Variants in MDN1 observed in about 807,000 individuals in gnomAD.
MDN1 encodes the protein midasin AAA ATPase 1.
A neutral mutation model predicts 669.2 loss-of-function variants in MDN1; 266 were observed. The ratio of observed to expected loss-of-function variants is 0.40; its 90% CI spans 0.36 to 0.44. MDN1 has a LOEUF of 0.44. Among genes scored for constraint, MDN1 ranks in the 20% least tolerant of loss-of-function variants. The pLI is 1.00. For missense variants in MDN1, 5,940 were observed against 6,754.0 expected (o/e 0.88, Z 4.22); for synonymous variants, 2,385 against 2,457.1 (o/e 0.97, Z 0.87).
Position 89,814,875 on chromosome 6 carries a change from C to T in MDN1, c.102+4631G>A, listed in dbSNP as rs1012481404. The T allele has an allele frequency of 8.9e-5, 44 of 496,542 alleles. 2 individuals are homozygous for T. In the Admixed American group the frequency reaches 9.9e-4, roughly 11 times the overall value. 30.8% of individuals were successfully genotyped at this position (496,542 alleles called of 1,614,324 possible). ...GTCAACCTCAACCTCCGGACAGGTACCTCCTAGAAACCCCTAGAAACCAGG... is the reference window on the plus strand; with the variant it reads ...GTCAACCTCAACCTCCGGACAGGTATCTCCTAGAAACCCCTAGAAACCAGG... On this transcript the variant is annotated intron_variant, in intron 1 of 101. Coordinates refer to ENST00000369393, the MANE Select transcript of MDN1 (RefSeq NM_014611.3).
In MDN1 at chr6:89,751,574, T is replaced by C. The variant is rs779869677; in HGVS notation, c.3084A>G (p.Pro1028=). 2 of 1,613,736 alleles carry C rather than the reference T, an allele frequency of 1.2e-6. No homozygotes were observed. Among genetic ancestry groups the C allele is most frequent in the East Asian group, 2.2e-5 (1 of 44,902 alleles). ...NVKSLLKQPI[P]EPKGGRLIQV... is the part of the protein sequence containing the mutation. The stretch of plus-strand genomic sequence containing the variant: ...GGATAAGCCGACCTCCTTTTGGCTC[T>C]GGAATAGGCTGAAAGACACAGAAGT... The change falls in exon 23 of 102, where the codon CCA becomes CCG. Residue 1028 remains proline (P), a synonymous_variant. Coordinates refer to ENST00000369393, the MANE Select transcript of MDN1 (RefSeq NM_014611.3).
At chr6:89,728,234 TA>T (rs947421061) in intron 36 of MDN1, among the ~76,000 whole-genome samples, 2 of 148,976 alleles carry the variant, frequency 1.3e-5, no homozygotes, top group South Asian at 2.1e-4. Context: ...TTGACAGGCT[TA>T]AAAAAAAAAG....
rs377121399 is a variant in MDN1, at chr6:89,772,560, C to T, written c.2083+13G>A. 1.0e-4 allele frequency: 161 copies of T among 1,611,264 alleles called. No individual in the cohort carries two copies. Among genetic ancestry groups the T allele is most frequent in the Non-Finnish European group, 1.3e-4 (153 of 1,178,970 alleles). On this transcript the variant is annotated intron_variant, in intron 14 of 101. Transcript: ENST00000369393. ...AAATATCTGGGGGCAGATTTATTTC[C>T]TCTAGGGATTACCTGTAATGTGAGC...
intron 21 of MDN1, 50 bp from the exon 22 acceptor site, chr6:89,753,672 C>A: frequency 1.4e-6 from 2 of 1,388,676 alleles, no homozygotes; most frequent in Non-Finnish European, 1.0e-6. Flanking sequence ...TTCTGCAATA[C>A]AACCAAACTT....
At chr6:89,696,339 G>A in intron 60 of MDN1, 21 bp downstream of exon 60, 1 of 1,609,888 alleles carries the variant, frequency 6.2e-7, no homozygotes, top group South Asian at 1.1e-5. Flanking sequence ...TTTACAGTCT[G>A]CTTCCAGGGC....
At chr6:89,765,806 T>C (rs953244334) in intron 15 of MDN1, among the ~76,000 whole-genome samples, 1 of 152,354 alleles carries the variant, frequency 6.6e-6, no homozygotes, top group African/African-American at 2.4e-5. Flanking sequence ...TAACAGTCTG[T>C]TGTCTCACAT....
chr6:89,709,340 G>A (rs1346051069), intron 50 of MDN1, among the ~76,000 whole-genome samples: 1 of 152,160 alleles, frequency 6.6e-6, no homozygotes, highest in Non-Finnish European at 1.5e-5. Context: ...TGAACAGCAG[G>A]TACATTAAGG....
chr6:89,798,409 G>A (rs1819728990), intron 2 of MDN1, among the ~76,000 whole-genome samples: 1 of 151,902 alleles, frequency 6.6e-6, no homozygotes, highest in Non-Finnish European at 1.5e-5. Flanking sequence ...GGCTGAGGCA[G>A]GAGAATCACT....
chr6:89,759,795 G>A (rs879878254), intron 17 of MDN1, among the ~76,000 whole-genome samples: 8 of 151,326 alleles, frequency 5.3e-5, no homozygotes, highest in Non-Finnish European at 8.8e-5. Context: ...TCTGGGGCCC[G>A]GGGCAATGGC....
At position 89,747,343 on chromosome 6, in the gene MDN1, T is replaced by C; in HGVS notation, c.3890A>G (p.His1297Arg). ...PTEKEYDWLQ[H>R]LANDGYMLLA... The stretch of plus-strand genomic sequence containing the variant: ...TGAAAACACACCATCATTGGCTAAA[T>C]GCTGTAGCCAGTCATACTCCTTCTC... The change falls in exon 27 of 102, where the codon CAT becomes CGT. Residue 1297 changes from histidine (H) to arginine (R), a missense_variant. This residue lies in a region of MDN1 where 2,292 missense variants were observed against 2,638.3 expected (regional missense o/e 0.87). Coordinates refer to ENST00000369393, the MANE Select transcript of MDN1 (RefSeq NM_014611.3). 4 of 1,613,826 alleles carry C rather than the reference T, an allele frequency of 2.5e-6. No individual in the cohort carries two copies. Among genetic ancestry groups the C allele is most frequent in the African/African-American group, 2.7e-5 (2 of 75,014 alleles).
chr6:89,710,234 A>G lies in MDN1; in HGVS notation c.7765+447T>C, dbSNP rs1813799481. Among the ~76,000 whole-genome samples, 5 of 152,212 alleles carry G rather than the reference A, an allele frequency of 3.3e-5. No individual in the cohort carries two copies. The South Asian group carries it at 1.0e-3, about 32-fold the overall frequency. Reference sequence around the variant, plus strand: ...CTTAATTCCCCTAGTTTCTAAACACAGGCAGAGACAGTGAATGATGAGCCA... The same window carrying G: ...CTTAATTCCCCTAGTTTCTAAACACGGGCAGAGACAGTGAATGATGAGCCA... On this transcript the variant is annotated intron_variant, in intron 50 of 101. Transcript: ENST00000369393.
chr6:89,819,705 T>C lies in MDN1; in HGVS notation c.-98A>G. 1 of 974,360 alleles carries C rather than the reference T, an allele frequency of 1.0e-6. No individual in the cohort carries two copies. The highest frequency in any genetic ancestry group is 1.3e-5 in the South Asian group (1 of 74,894). 60.4% of individuals were successfully genotyped at this position (974,360 alleles called of 1,614,324 possible). A position where few individuals can be genotyped will look rare whatever the true frequency, so the allele number is the denominator to read the frequency against. ...TCCCAGTGCCCGAGCAGCCAGCAACTACGCCCGCAGGAAAGGCGTCCTCAG... is the reference window on the plus strand; with the variant it reads ...TCCCAGTGCCCGAGCAGCCAGCAACCACGCCCGCAGGAAAGGCGTCCTCAG... On this transcript the variant is annotated 5_prime_UTR_variant, in exon 1 of 102. Transcript: ENST00000369393.
intron 3 of MDN1, 100 bp from the exon 4 acceptor site, chr6:89,794,307 A>C: frequency 1.4e-6 from 1 of 711,012 alleles, no homozygotes; most frequent in Non-Finnish European, 2.3e-6. Context: ...AGGAAATCTC[A>C]ATTATTACAA....
intron 8 of MDN1, 25 bp from the exon 9 acceptor site, chr6:89,785,151 GTCACACAAAATTCCAAATTTTAA>G (rs760584561): frequency 1.3e-6 from 2 of 1,566,220 alleles, no homozygotes; most frequent in African/African-American, 2.7e-5. Context: ...AAAAAACACA[GTCACACAAAATTCCAAATTTTAA>G]TCCTGAATTG....
At chr6:89,745,090 A>C (rs1816526086) in intron 29 of MDN1, among the ~76,000 whole-genome samples, 183 bp downstream of exon 29, 1 of 144,494 alleles carries the variant, frequency 6.9e-6, no homozygotes, top group Non-Finnish European at 1.5e-5. Context: ...ATTTCTCCTA[A>C]TGCTATCCCT....
At chr6:89,660,468 G>A (rs1809655773) in intron 88 of MDN1, among the ~76,000 whole-genome samples, 1 of 151,716 alleles carries the variant, frequency 6.6e-6, no homozygotes, top group Non-Finnish European at 1.5e-5. Flanking sequence ...ACAGACACAA[G>A]CCTCTGCAAC....
chr6:89,719,074 G>C, intron 41 of MDN1, 44 bp from the exon 42 acceptor site: 1 of 1,613,712 alleles, frequency 6.2e-7, no homozygotes. Flanking sequence ...GTGCCTGGTA[G>C]TGGGAGCAGA....
chr6:89,642,511 A>ATAATT lies in MDN1; in HGVS notation c.*1489_*1493dup, dbSNP rs1554277191. The ATAATT allele has an allele frequency of 6.6e-6, 1 of 152,234 alleles. No homozygotes were observed. Among genetic ancestry groups the ATAATT allele is most frequent in the Non-Finnish European group, 1.5e-5 (1 of 68,046 alleles). 9.4% of individuals were successfully genotyped at this position (152,234 alleles called of 1,614,324 possible). A position where few individuals can be genotyped will look rare whatever the true frequency, so the allele number is the denominator to read the frequency against. ...GATGCAACATCATCATTTATGGAGG[A>ATAATT]TAATTAATTTTTATAAGCCTCCTTA... On this transcript the variant is annotated 3_prime_UTR_variant, in exon 102 of 102. Coordinates refer to ENST00000369393, the MANE Select transcript of MDN1 (RefSeq NM_014611.3).
chr6:89,727,940 A>G lies in MDN1; in HGVS notation c.5365T>C (p.Phe1789Leu), dbSNP rs1815342095. ...CCTTCAACAGGTAGATCTGCTCCAA[A>G]CAGGTCTGTGATGTCCTTTGAAAGG... Reference protein sequence around the residue: ...LSEQTDITDLFGADLPVEGGK... With the variant: ...LSEQTDITDLLGADLPVEGGK... The change falls in exon 37 of 102, where the codon TTT becomes CTT. Residue 1789 changes from phenylalanine to leucine, a missense_variant. Around this residue, in one of 5 missense-constraint regions of MDN1, gnomAD observed 2,292 missense variants for 2,638.3 expected, o/e 0.87. Coordinates refer to ENST00000369393, the MANE Select transcript of MDN1 (RefSeq NM_014611.3). 2 of 1,613,616 alleles carry G rather than the reference A, an allele frequency of 1.2e-6. No homozygotes were observed. Among genetic ancestry groups the G allele is most frequent in the South Asian group, 2.2e-5 (2 of 91,052 alleles).
Sources: allele counts gnomAD v4.1 joint callset (sites outside exome capture counted in the v4.1 genomes callset), GRCh38; gene constraint gnomAD v4.1.1; regional missense constraint gnomAD v4.1.1; transcripts MANE v1.5; gene names NCBI Gene and HGNC (gene_info 2026-07-23, HGNC 2026-07-21).